The following RILPL1 variants were observed in gnomAD, a reference collection of about 807,000 sequenced individuals.
The protein encoded by RILPL1 is RILP-like protein 1.
RILPL1 carries 33 observed loss-of-function variants against 50.3 expected under a neutral mutation model. That is an observed-to-expected ratio of 0.66 (90% CI 0.50 to 0.88). The LOEUF is 0.88. Among genes scored for constraint, RILPL1 ranks in the 40% least tolerant of loss-of-function variants. The pLI, the probability that RILPL1 is intolerant of heterozygous loss-of-function variation, is 0.00. For synonymous variants in RILPL1, 205 were observed against 228.6 expected (o/e 0.90, Z 0.93); for missense variants, 418 against 542.5 (o/e 0.77, Z 2.28).
At chr12:123,530,681 C>T (rs1035233931) in intron 1 of RILPL1, among the ~76,000 whole-genome samples, 5 of 152,186 alleles carry the variant, frequency 3.3e-5, no homozygotes, top group Admixed American at 6.5e-5. Flanking sequence ...ATGTTACACG[C>T]GAGTGTATCA....
chr12:123,473,141 A>G (rs1881318562), intron 6 of RILPL1: 1 of 172,544 alleles, frequency 5.8e-6, no homozygotes, highest in Non-Finnish European at 1.3e-5. Context: ...AATGTCAGTC[A>G]GGAAACTGTG....
rs1225777926 is a variant in RILPL1 at position 123,488,373 on chromosome 12, G to A, written c.802-2568C>T. Among the ~76,000 whole-genome samples, 15 of 151,660 alleles carry A rather than the reference G, an allele frequency of 9.9e-5. 1 individual carries two copies. In the South Asian group the frequency reaches 2.7e-3, roughly 27 times the overall value. On this transcript the variant is annotated intron_variant, in intron 4 of 6. Coordinates refer to ENST00000376874, the MANE Select transcript of RILPL1 (RefSeq NM_178314.5). ...TGAGGATCACCTGAGCCCAGGAAGT[G>A]GAGGCTGCAGTGAGCCAAGACTGTG...
chr12:123,509,836 C>T (rs1883977788), intron 2 of RILPL1, among the ~76,000 whole-genome samples: 1 of 152,176 alleles, frequency 6.6e-6, no homozygotes, highest in Admixed American at 6.5e-5. Context: ...GGCAATTCTG[C>T]GACATGTTTT....
chr12:123,505,307 C>T (rs780171886), intron 2 of RILPL1, among the ~76,000 whole-genome samples: 1 of 152,180 alleles, frequency 6.6e-6, no homozygotes, highest in Non-Finnish European at 1.5e-5. Context: ...GCTGGGATTA[C>T]AGGCGTGAGC....
At chr12:123,531,643 C>CAAAG (rs1170361489) in intron 1 of RILPL1, among the ~76,000 whole-genome samples, 21 of 152,186 alleles carry the variant, frequency 1.4e-4, no homozygotes, top group African/African-American at 4.8e-4. Flanking sequence ...TTAAGACTTG[C>CAAAG]AAAGCCCTTG....
rs899277574 is a variant in RILPL1 at position 123,484,828 on chromosome 12, A to T, written c.975-556T>A. The T allele has an allele frequency of 2.4e-5, 6 of 252,520 alleles. 1 individual carries two copies. The highest frequency in any genetic ancestry group is 1.4e-4 in the South Asian group (3 of 20,866). The allele number at this position is 252,520 out of a possible 1,614,324, so 15.6% of individuals were successfully genotyped here. A position where few individuals can be genotyped will look rare whatever the true frequency, so the allele number is the denominator to read the frequency against. Reference sequence around the variant, plus strand: ...GAGCCACCATACCTGGCTAATTTTTAAAAATTTTTGTGTAGAGATGGGGGT... The same window carrying T: ...GAGCCACCATACCTGGCTAATTTTTTAAAATTTTTGTGTAGAGATGGGGGT... On this transcript the variant is annotated intron_variant, in intron 5 of 6. Transcript: ENST00000376874.
At chr12:123,529,553 A>G (rs1885376264) in intron 1 of RILPL1, among the ~76,000 whole-genome samples, 1 of 151,298 alleles carries the variant, frequency 6.6e-6, no homozygotes, top group South Asian at 2.1e-4. Flanking sequence ...CTGGGATTAC[A>G]GGTGTGAAAC....
intron 5 of RILPL1, among the ~76,000 whole-genome samples, chr12:123,484,563 C>T (rs990842080): frequency 3.9e-5 from 6 of 152,106 alleles, no homozygotes; most frequent in African/African-American, 1.4e-4. Context: ...TCAGGAAGGC[C>T]CAGTTCAAAT....
chr12:123,520,808 A>G (rs1369120726), intron 2 of RILPL1, among the ~76,000 whole-genome samples: 1 of 152,198 alleles, frequency 6.6e-6, no homozygotes, highest in Admixed American at 6.5e-5. Context: ...ACAAAGGGTG[A>G]GCAAAGGAAT....
chr12:123,518,068 A>G (rs1236432160), intron 2 of RILPL1, among the ~76,000 whole-genome samples: 2 of 152,186 alleles, frequency 1.3e-5, no homozygotes, highest in Non-Finnish European at 1.5e-5. Context: ...CCAGGGGCCA[A>G]TGGCGTGGTG....
intron 6 of RILPL1, among the ~76,000 whole-genome samples, chr12:123,477,337 CTTTTTTTTTTTTTT>C (rs371346379): frequency 0.033 from 3,463 of 105,380 alleles, 92 homozygotes; most frequent in Admixed American, 0.096. Flanking sequence ...TTCTTTCTTT[CTTTTTTTTTTTTTT>C]TTTTTTTGAG....
At chr12:123,518,951 G>A (rs1346665628) in intron 2 of RILPL1, among the ~76,000 whole-genome samples, 1 of 151,384 alleles carries the variant, frequency 6.6e-6, no homozygotes, top group African/African-American at 2.4e-5. Context: ...AGGCTACTCG[G>A]GAGGCTGAGG....
At chr12:123,497,768 C>G (rs1289104464) in intron 4 of RILPL1, among the ~76,000 whole-genome samples, 2 of 152,136 alleles carry the variant, frequency 1.3e-5, no homozygotes, top group African/African-American at 2.4e-5. Flanking sequence ...CAGTCTTGAG[C>G]TCCTGGCCTC....
intron 2 of RILPL1, among the ~76,000 whole-genome samples, chr12:123,519,056 C>CA (rs71652717): frequency 0.064 from 3,742 of 58,022 alleles, 413 homozygotes; most frequent in African/African-American, 0.23. Context: ...GACTCCATCT[C>CA]AAAAAAAAAA....
intron 2 of RILPL1, among the ~76,000 whole-genome samples, chr12:123,500,277 T>A (rs191521921): frequency 0.037 from 5,062 of 138,528 alleles, 173 homozygotes; most frequent in African/African-American, 0.088. Context: ...TGTGTCCCTT[T>A]CTTTTTTTTT....
chr12:123,521,531 A>T (rs1489028982), intron 2 of RILPL1, among the ~76,000 whole-genome samples: 5 of 139,180 alleles, frequency 3.6e-5, no homozygotes, highest in Non-Finnish European at 7.8e-5. Context: ...ATATATATAT[A>T]AATATATGTA....
intron 6 of RILPL1, among the ~76,000 whole-genome samples, chr12:123,483,977 A>G (rs1882159440): frequency 1.3e-5 from 2 of 152,012 alleles, no homozygotes; most frequent in South Asian, 2.1e-4. Context: ...GCACTCCCCA[A>G]ACCTCTCTGC....
chr12:123,495,001 T>TC (rs1882937428), intron 4 of RILPL1, among the ~76,000 whole-genome samples: 1 of 152,046 alleles, frequency 6.6e-6, no homozygotes, highest in African/African-American at 2.4e-5. Context: ...GAGAAAGACC[T>TC]CCCTCCCACT....
Position 123,491,121 on chromosome 12 carries a change from C to T in RILPL1, c.802-5316G>A, listed in dbSNP as rs1882664199. Among the ~76,000 whole-genome samples the T allele has an allele frequency of 6.6e-6, 1 of 152,240 alleles. No homozygotes were observed. Among genetic ancestry groups the T allele is most frequent in the African/African-American group, 2.4e-5 (1 of 41,464 alleles). The stretch of plus-strand genomic sequence containing the variant: ...TGGGCTCCAGCTTCTCGAGAGGCCA[C>T]CAGGCAGTGACCGCAGGGCCACGGG... On this transcript the variant is annotated intron_variant, in intron 4 of 6. Transcript: ENST00000376874. The surrounding 1 kb of genome is among the most constrained non-coding windows in gnomAD (Gnocchi z 4.0).
Sources: allele counts gnomAD v4.1 joint callset (sites outside exome capture counted in the v4.1 genomes callset), GRCh38; gene constraint gnomAD v4.1.1; non-coding constraint Gnocchi (gnomAD v3.1); transcripts MANE v1.5; gene names NCBI Gene and HGNC (gene_info 2026-07-23, HGNC 2026-07-21).